The following PRTFDC1 variants were observed in gnomAD, a reference collection of about 807,000 sequenced individuals.
PRTFDC1 encodes phosphoribosyl transferase domain containing 1, also known as phosphoribosyltransferase domain-containing protein 1.
In PRTFDC1, 38 loss-of-function variants were observed where a neutral mutation model predicts 34.6. The ratio of observed to expected loss-of-function variants is 1.10; its 90% CI spans 0.85 to 1.44. The LOEUF (loss-of-function observed/expected upper bound fraction) is 1.44, where lower values mean the gene tolerates loss of function less well. Among genes scored for constraint, PRTFDC1 ranks in the 40% most tolerant of loss-of-function variants. PRTFDC1 has a pLI of 0.00. For synonymous variants in PRTFDC1, 93 were observed against 98.1 expected, an observed-to-expected ratio of 0.95 and a Z score of 0.31; for missense variants, 270 against 283.0, an observed-to-expected ratio of 0.95 and a Z score of 0.33.
chr10:24,862,528 T>C (rs1847697530), intron 4 of PRTFDC1, among the ~76,000 whole-genome samples: 1 of 151,698 alleles, frequency 6.6e-6, no homozygotes, highest in South Asian at 2.1e-4. Context: ...GTGTGCACCA[T>C]CACGCATGCA....
At chr10:24,906,377 A>G (rs1270495879) in intron 3 of PRTFDC1, among the ~76,000 whole-genome samples, 1 of 152,074 alleles carries the variant, frequency 6.6e-6, no homozygotes, top group African/African-American at 2.4e-5. Context: ...ATACCCCTGG[A>G]CCCCCAGCTT....
intron 3 of PRTFDC1, among the ~76,000 whole-genome samples, chr10:24,917,339 G>A (rs1848709967): frequency 6.6e-6 from 1 of 152,100 alleles, no homozygotes; most frequent in East Asian, 1.9e-4. Context: ...GGGTAGGGAT[G>A]GTTGTTGGAT....
chr10:24,935,462 G>C (rs558039486), intron 3 of PRTFDC1, among the ~76,000 whole-genome samples: 13 of 152,284 alleles, frequency 8.5e-5, no homozygotes, highest in African/African-American at 3.1e-4. Context: ...AAAACACAGA[G>C]TATCTTAAGA....
intron 3 of PRTFDC1, among the ~76,000 whole-genome samples, chr10:24,880,314 G>T (rs559791160): frequency 6.6e-6 from 1 of 150,498 alleles, no homozygotes; most frequent in Non-Finnish European, 1.5e-5. Context: ...GTGCAGTAGC[G>T]TGAACTCAGC....
intron 3 of PRTFDC1, among the ~76,000 whole-genome samples, chr10:24,873,347 C>A (rs1335766183): frequency 6.6e-6 from 1 of 152,160 alleles, no homozygotes; most frequent in East Asian, 1.9e-4. Context: ...TCATTACAGA[C>A]CCACATTAAA....
chr10:24,881,959 A>G (rs1588588947), intron 3 of PRTFDC1, among the ~76,000 whole-genome samples: 1 of 151,850 alleles, frequency 6.6e-6, no homozygotes, highest in African/African-American at 2.4e-5. Flanking sequence ...GTAATCCCAG[A>G]ACTTTGGGAG....
rs542260788 is a variant in PRTFDC1 at position 24,891,917 on chromosome 10, T to A, written c.340-19854A>T. On this transcript the variant is annotated intron_variant, in intron 3 of 8. Transcript: ENST00000320152. ...GTCCTGCTAGAGTTCTCAGGCCACT[T>A]AACATAACCTCCCCCAGGTTTGTCT... Among the ~76,000 whole-genome samples the A allele has an allele frequency of 1.9e-3, 293 of 152,336 alleles. 1 individual carries two copies. The highest frequency in any genetic ancestry group is 6.6e-3 in the African/African-American group (276 of 41,580).
intron 3 of PRTFDC1, among the ~76,000 whole-genome samples, chr10:24,912,192 C>T (rs1848635846): frequency 7.5e-6 from 1 of 133,142 alleles, no homozygotes; most frequent in Non-Finnish European, 1.5e-5. Context: ...TTGCTTGAAC[C>T]CAGGAGGCAG....
chr10:24,883,703 C>T (rs1181262973), intron 3 of PRTFDC1, among the ~76,000 whole-genome samples: 1 of 151,744 alleles, frequency 6.6e-6, no homozygotes, highest in African/African-American at 2.4e-5. Flanking sequence ...GGGACAAACA[C>T]ATGGAGCCTC....
chr10:24,899,023 C>T (rs1374647934), intron 3 of PRTFDC1, among the ~76,000 whole-genome samples: 2 of 152,188 alleles, frequency 1.3e-5, no homozygotes, highest in African/African-American at 4.8e-5. Flanking sequence ...TAATCTTGGA[C>T]TTCCAGCCTC....
chr10:24,858,211 T>A (rs1475761672), intron 5 of PRTFDC1, among the ~76,000 whole-genome samples, 181 bp downstream of exon 5: 1 of 152,198 alleles, frequency 6.6e-6, no homozygotes, highest in Non-Finnish European at 1.5e-5. Context: ...GTTGCAAAGC[T>A]TTTATTCTAC....
intron 3 of PRTFDC1, among the ~76,000 whole-genome samples, chr10:24,928,916 T>G (rs931054528): frequency 6.6e-5 from 10 of 150,884 alleles, no homozygotes; most frequent in Non-Finnish European, 1.2e-4. Flanking sequence ...GGCGGGCGCC[T>G]GTAGTCCCAG....
chr10:24,924,352 C>T (rs1848839042), intron 3 of PRTFDC1, among the ~76,000 whole-genome samples: 1 of 152,164 alleles, frequency 6.6e-6, no homozygotes, highest in South Asian at 2.1e-4. Flanking sequence ...ACATAATTGT[C>T]AGATTCATCA....
intron 3 of PRTFDC1, among the ~76,000 whole-genome samples, chr10:24,898,303 A>AAAAAC: frequency 6.6e-6 from 1 of 150,990 alleles, no homozygotes; most frequent in Admixed American, 6.6e-5. Context: ...AAAAAAAAAA[A>AAAAAC]AAACACAAAA....
chr10:24,937,385 GAT>G lies in PRTFDC1; in HGVS notation c.156-20_156-19del. The stretch of plus-strand genomic sequence containing the variant: ...GCTCAATTCTGAAAGAAGGATAAAA[GAT>G]ATATTAAGGCACAACTACTTCTGAG... On this transcript the variant is annotated intron_variant, in intron 2 of 8. Coordinates refer to ENST00000320152, the MANE Select transcript of PRTFDC1 (RefSeq NM_020200.7). 6.3e-7 allele frequency: 1 copy of G among 1,597,312 alleles called. No homozygotes were observed. Among genetic ancestry groups the G allele is most frequent in the Non-Finnish European group, 8.5e-7 (1 of 1,171,276 alleles).
At chr10:24,901,486 AGGCCAAAGC>A (rs1848448818) in intron 3 of PRTFDC1, among the ~76,000 whole-genome samples, 1 of 152,192 alleles carries the variant, frequency 6.6e-6, no homozygotes, top group South Asian at 2.1e-4. Flanking sequence ...GCACTTTGGG[AGGCCAAAGC>A]GAGAGAATTG....
At chr10:24,875,309 T>C (rs914141601) in intron 3 of PRTFDC1, among the ~76,000 whole-genome samples, 2 of 152,228 alleles carry the variant, frequency 1.3e-5, no homozygotes, top group African/African-American at 4.8e-5. Context: ...TACATTATTA[T>C]TAATTGTAGT....
intron 3 of PRTFDC1, among the ~76,000 whole-genome samples, chr10:24,874,778 G>A (rs1190946443): frequency 1.3e-5 from 2 of 152,046 alleles, no homozygotes; most frequent in Admixed American, 6.6e-5. Flanking sequence ...TATTTGATAT[G>A]GTTAGGCTGT....
At chr10:24,892,535 G>A (rs1848282308) in intron 3 of PRTFDC1, among the ~76,000 whole-genome samples, 2 of 151,864 alleles carry the variant, frequency 1.3e-5, no homozygotes, top group African/African-American at 2.4e-5. Flanking sequence ...TTGACCATTC[G>A]TATACGAGTG....
Sources: gnomAD v4.1 joint callset for allele counts (sites outside exome capture counted in the v4.1 genomes callset) on GRCh38, gnomAD v4.1.1 for gene constraint, MANE v1.5 for transcripts, NCBI Gene and HGNC (gene_info 2026-07-23, HGNC 2026-07-21) for gene names.